HYAL4: variants seen among roughly 807,000 people sequenced by gnomAD.
The protein encoded by HYAL4 is hyaluronidase 4.
A neutral mutation model predicts 35.2 loss-of-function variants in HYAL4; 37 were observed. The ratio of observed to expected loss-of-function variants is 1.05; its 90% confidence interval spans 0.81 to 1.38. The LOEUF is 1.38. Ranked by LOEUF, HYAL4 falls within the 40% of genes most tolerant of loss-of-function variation. HYAL4 has a pLI of 0.00. For missense variants in HYAL4, 572 were observed against 572.4 expected, an observed-to-expected ratio of 1.00 and a Z score of 0.01; for synonymous variants, 198 against 203.2, an observed-to-expected ratio of 0.97 and a Z score of 0.22.
upstream of HYAL4, among the ~76,000 whole-genome samples, chr7:123,840,473 C>T (rs184841210): frequency 6.6e-6 from 1 of 151,142 alleles, no homozygotes; most frequent in Non-Finnish European, 1.5e-5. Flanking sequence ...AATGTGGGCT[C>T]TTTTTTGGTT....
At chr7:123,809,248 A>T in the HYAL4 span, among the ~76,000 whole-genome samples, 1 of 152,118 alleles carries the variant, frequency 6.6e-6, no homozygotes, top group African/African-American at 2.4e-5. Flanking sequence ...TAAAATCTCC[A>T]ATCAAGAGAA....
At chr7:123,834,728 G>T (rs906006373) in intron 1 of HYAL4, among the ~76,000 whole-genome samples, 1 of 152,154 alleles carries the variant, frequency 6.6e-6, no homozygotes, top group African/African-American at 2.4e-5. Context: ...GTCATAGATA[G>T]CTTTTATTGC....
At chr7:123,822,322 A>G in the HYAL4 span, among the ~76,000 whole-genome samples, 1 of 151,956 alleles carries the variant, frequency 6.6e-6, no homozygotes, top group Non-Finnish European at 1.5e-5. Context: ...CCTTTTATCA[A>G]TATTATGTAG....
At chr7:123,789,021 T>C in the HYAL4 span, among the ~76,000 whole-genome samples, 1 of 152,232 alleles carries the variant, frequency 6.6e-6, no homozygotes, top group African/African-American at 2.4e-5. Flanking sequence ...GGACTTGTTA[T>C]GGCACAAATT....
At chr7:123,843,981 T>C (rs1239644544), upstream of HYAL4, among the ~76,000 whole-genome samples, 1 of 152,078 alleles carries the variant, frequency 6.6e-6, no homozygotes, top group Non-Finnish European at 1.5e-5. Flanking sequence ...TTACTGACCT[T>C]CTGAAACCTA....
intron 2 of HYAL4, among the ~76,000 whole-genome samples, chr7:123,853,256 C>T (rs1389818774): frequency 1.3e-5 from 2 of 152,202 alleles, no homozygotes; most frequent in Non-Finnish European, 2.9e-5. Context: ...CTAGCCAGAA[C>T]TTCCAATACT....
chr7:123,792,747 G>A, the HYAL4 span, among the ~76,000 whole-genome samples: 1 of 152,146 alleles, frequency 6.6e-6, no homozygotes, highest in Admixed American at 6.5e-5. Flanking sequence ...CATGATCAGA[G>A]ACGTTTTTCA....
intron 2 of HYAL4, among the ~76,000 whole-genome samples, chr7:123,865,404 C>T (rs1352710154): frequency 1.3e-5 from 2 of 152,164 alleles, no homozygotes; most frequent in Non-Finnish European, 2.9e-5. Flanking sequence ...TTGAGTACCA[C>T]AATTTTTCTT....
intron 1 of HYAL4, among the ~76,000 whole-genome samples, chr7:123,838,437 C>T (rs1376383798): frequency 6.6e-6 from 1 of 151,866 alleles, no homozygotes; most frequent in East Asian, 1.9e-4. Context: ...ACAACCCCAA[C>T]AAATAATATC....
rs117488620 is a variant in HYAL4 at position 123,877,139 on chromosome 7, G to A, written c.1430G>A (p.Arg477Gln). The change falls in exon 5 of 5, where the codon CGA (arginine) becomes CAA (glutamine). Residue 477 changes from arginine (R) to glutamine (Q), a missense_variant. Coordinates refer to ENST00000223026, the MANE Select transcript of HYAL4 (RefSeq NM_012269.3). Reference protein sequence around the residue: ...TLCLLLLASYRSIQL With the variant: ...TLCLLLLASYQSIQL ...TGTCTACTGCTTTTAGCAAGTTATCGAAGCATTCAGTTGTGAGATAATTGA... is the reference window on the plus strand; with the variant it reads ...TGTCTACTGCTTTTAGCAAGTTATCAAAGCATTCAGTTGTGAGATAATTGA... The A allele has an allele frequency of 4.5e-3, 7,282 of 1,613,584 alleles. 19 individuals are homozygous for A. The highest frequency in any genetic ancestry group is 5.6e-3 in the Non-Finnish European group (6,576 of 1,179,632).
chr7:123,813,825 AGT>A, the HYAL4 span, among the ~76,000 whole-genome samples: 1 of 152,228 alleles, frequency 6.6e-6, no homozygotes, highest in Admixed American at 6.5e-5. Context: ...TCTTAGAGCC[AGT>A]GAAGGCTTGT....
At chr7:123,856,152 T>C (rs557558938) in intron 2 of HYAL4, among the ~76,000 whole-genome samples, 39 of 152,144 alleles carry the variant, frequency 2.6e-4, no homozygotes, top group Non-Finnish European at 5.1e-4. Context: ...AACATGCTCT[T>C]TTAGCTCAGA....
the HYAL4 span, among the ~76,000 whole-genome samples, chr7:123,799,923 G>C: frequency 1.3e-5 from 2 of 151,988 alleles, no homozygotes; most frequent in Admixed American, 1.3e-4. Flanking sequence ...CCCTTTTGGA[G>C]GCTGAGGTGA....
the HYAL4 span, among the ~76,000 whole-genome samples, chr7:123,813,907 G>C: frequency 6.6e-6 from 1 of 152,148 alleles, no homozygotes; most frequent in African/African-American, 2.4e-5. Context: ...CTAGCAGCTA[G>C]AGTTTGCATA....
intron 3 of HYAL4, among the ~76,000 whole-genome samples, chr7:123,869,476 G>A (rs149983230): frequency 1.1e-4 from 17 of 152,206 alleles, no homozygotes; most frequent in Admixed American, 6.5e-4. Context: ...TACCAGCAAC[G>A]ACTACATTTC....
the HYAL4 span, among the ~76,000 whole-genome samples, chr7:123,786,370 C>A: frequency 6.6e-6 from 1 of 152,202 alleles, no homozygotes; most frequent in Non-Finnish European, 1.5e-5. Context: ...ATTTCCACCT[C>A]CACACATACT....
chr7:123,832,338 G>C (rs1335338987), intron 1 of HYAL4, among the ~76,000 whole-genome samples: 1 of 151,618 alleles, frequency 6.6e-6, no homozygotes, highest in Admixed American at 6.6e-5. Context: ...GGTTACATGA[G>C]TTAAGTTCTT....
intron 1 of HYAL4, among the ~76,000 whole-genome samples, chr7:123,832,433 C>G (rs1184004115): frequency 1.4e-5 from 2 of 146,136 alleles, no homozygotes; most frequent in Non-Finnish European, 3.0e-5. Flanking sequence ...TCCCTGATCC[C>G]CTTTTCACCC....
chr7:123,778,248 T>TAC, the HYAL4 span, among the ~76,000 whole-genome samples: 2 of 152,162 alleles, frequency 1.3e-5, no homozygotes, highest in African/African-American at 4.8e-5. Context: ...GCAGGCATTA[T>TAC]ACTTCTTTAC....
Sources: allele counts gnomAD v4.1 joint callset (sites outside exome capture counted in the v4.1 genomes callset), GRCh38; gene constraint gnomAD v4.1.1; transcripts MANE v1.5; gene names NCBI Gene and HGNC (gene_info 2026-07-23, HGNC 2026-07-21).